The following PRKG2 variants were observed in gnomAD, a reference collection of about 807,000 sequenced individuals.
The protein encoded by PRKG2 is cGMP-dependent protein kinase 2.
A neutral mutation model predicts 97.2 loss-of-function variants in PRKG2; 33 were observed. The observed-to-expected ratio is 0.34, with a 90% CI of 0.26 to 0.45. PRKG2 has a LOEUF of 0.45. PRKG2 is among the 20% of genes least tolerant of loss of function. The pLI is 1.00. For synonymous variants in PRKG2, 330 were observed against 321.8 expected, an observed-to-expected ratio of 1.03 and a Z score of -0.27; for missense variants, 638 against 900.0, an observed-to-expected ratio of 0.71 and a Z score of 3.73.
intron 12 of PRKG2, among the ~76,000 whole-genome samples, 179 bp from the exon 13 acceptor site, chr4:81,137,661 T>TG (rs972818866): frequency 3.3e-5 from 5 of 152,234 alleles, no homozygotes; most frequent in African/African-American, 1.2e-4. Context: ...GCCTTGCTTC[T>TG]GCTCCTGTGG....
At chr4:81,146,043 G>A (rs1044755087) in intron 9 of PRKG2, among the ~76,000 whole-genome samples, 1 of 152,012 alleles carries the variant, frequency 6.6e-6, no homozygotes, top group East Asian at 1.9e-4. Flanking sequence ...GACCTTTGTC[G>A]ACTGAAGAGT....
chr4:81,106,309 AC>A (rs1479946794), intron 15 of PRKG2, among the ~76,000 whole-genome samples: 1 of 152,186 alleles, frequency 6.6e-6, no homozygotes, highest in East Asian at 1.9e-4. Context: ...AATGCACCGC[AC>A]CACTACCTAT....
intron 16 of PRKG2, 24 bp downstream of exon 16, chr4:81,105,789 G>C (rs1743262096): frequency 3.1e-6 from 5 of 1,611,974 alleles, no homozygotes; most frequent in South Asian, 1.1e-5. Flanking sequence ...TTCAAGACAA[G>C]GGGTTACTGA....
chr4:81,196,096 G>T (rs937064263), intron 2 of PRKG2, among the ~76,000 whole-genome samples: 2 of 152,198 alleles, frequency 1.3e-5, no homozygotes, highest in African/African-American at 4.8e-5. Context: ...CTGTGAGAGG[G>T]ACGCAAGGCA....
At chr4:81,103,823 G>C (rs1307241347) in intron 17 of PRKG2, among the ~76,000 whole-genome samples, 1 of 152,050 alleles carries the variant, frequency 6.6e-6, no homozygotes, top group African/African-American at 2.4e-5. Flanking sequence ...ATGAGGTCAG[G>C]AGTTTGAGAC....
chr4:81,189,066 T>TAAAAAAAAAAAAAAAAAAAAAAAAAA lies in PRKG2; in HGVS notation c.462-14133_462-14108dup. ...AAAAAAAAAAGATTAAAAAAAATAA[T>TAAAAAAAAAAAAAAAAAAAAAAAAAA]AAAAAAAAAAAAAAAAAAAAAAAAA... On this transcript the variant is annotated intron_variant, in intron 2 of 18. Transcript: ENST00000264399. 2.3e-4 allele frequency among the ~76,000 whole-genome samples: 4 copies of TAAAAAAAAAAAAAAAAAAAAAAAAAA among 17,056 alleles called. 1 individual carries two copies. Among genetic ancestry groups the TAAAAAAAAAAAAAAAAAAAAAAAAAA allele is most frequent in the Non-Finnish European group, 1.5e-4 (2 of 12,996 alleles). 11.2% of individuals were successfully genotyped at this position (17,056 alleles called of 152,430 possible).
intron 16 of PRKG2, 52 bp from the exon 17 acceptor site, chr4:81,104,484 T>A (rs769938665): frequency 2.3e-6 from 2 of 867,284 alleles, no homozygotes. Context: ...TTTATAATAA[T>A]TATAATTCAG....
chr4:81,215,641 C>G (rs985919562), upstream of PRKG2, among the ~76,000 whole-genome samples: 1 of 151,528 alleles, frequency 6.6e-6, no homozygotes, highest in Non-Finnish European at 1.5e-5. Flanking sequence ...CTGGACATGC[C>G]CTCCTCTGTC....
intron 14 of PRKG2, among the ~76,000 whole-genome samples, chr4:81,119,860 G>A (rs372398089): frequency 2.0e-5 from 3 of 151,936 alleles, no homozygotes; most frequent in African/African-American, 7.3e-5. Context: ...ATTTTTAGTA[G>A]AGACGGCGTT....
intron 17 of PRKG2, among the ~76,000 whole-genome samples, chr4:81,101,516 T>A (rs1742768604): frequency 1.5e-5 from 2 of 129,212 alleles, no homozygotes; most frequent in Admixed American, 2.0e-4. Context: ...AATTGAACAA[T>A]GAGAACACAT....
Position 81,116,985 on chromosome 4 carries a change from C to CTTTTTTTTTTTTTTT in PRKG2, c.1777-6389_1777-6375dup, listed in dbSNP as rs58361616. On this transcript the variant is annotated intron_variant, in intron 14 of 18. Coordinates refer to ENST00000264399, the MANE Select transcript of PRKG2 (RefSeq NM_006259.3). ...AGGTTATCTATTTACCCTGTTGTTACTTTTTTTTTTTTTTTTTTTTTTTTT... is the reference window on the plus strand; with the variant it reads ...AGGTTATCTATTTACCCTGTTGTTACTTTTTTTTTTTTTTTTTTTTTTTTTTTTTTTTTTTTTTTT... Among the ~76,000 whole-genome samples, 20 of 78,990 alleles carry CTTTTTTTTTTTTTTT rather than the reference C, an allele frequency of 2.5e-4. 3 individuals carry two copies. Among genetic ancestry groups the CTTTTTTTTTTTTTTT allele is most frequent in the East Asian group, 9.3e-4 (2 of 2,140 alleles). The allele number at this position is 78,990 out of a possible 152,430, so 51.8% of individuals were successfully genotyped here.
At chr4:81,098,290 G>A (rs72871754) in intron 17 of PRKG2, among the ~76,000 whole-genome samples, 1 of 150,976 alleles carries the variant, frequency 6.6e-6, no homozygotes, top group African/African-American at 2.5e-5. Flanking sequence ...TCCTCAGCCT[G>A]CAGCCTATTG....
chr4:81,184,208 C>A (rs1017056080), intron 2 of PRKG2, among the ~76,000 whole-genome samples: 1 of 152,188 alleles, frequency 6.6e-6, no homozygotes, highest in Admixed American at 6.5e-5. Flanking sequence ...TGGGAGACAC[C>A]TCCCAGCAGG....
intron 2 of PRKG2, among the ~76,000 whole-genome samples, chr4:81,182,240 T>G (rs1751478065): frequency 7.4e-6 from 1 of 134,740 alleles, no homozygotes; most frequent in South Asian, 2.2e-4. Context: ...TATTCTAGAT[T>G]AGATTGAACA....
intron 2 of PRKG2, among the ~76,000 whole-genome samples, chr4:81,190,927 G>A (rs1291132510): frequency 6.6e-6 from 1 of 152,102 alleles, no homozygotes; most frequent in Admixed American, 6.6e-5. Flanking sequence ...AAAAAGTCAG[G>A]AAACAACAGA....
In PRKG2 at chr4:81,104,375, T is replaced by C; in HGVS notation, c.2121A>G (p.Lys707=). The change falls in exon 17 of 19, where the codon AAA becomes AAG. Residue 707 remains lysine (K), a synonymous_variant. Coordinates refer to ENST00000264399, the MANE Select transcript of PRKG2 (RefSeq NM_006259.3). ...GCAAAGAAATAATTATGTACCTGTG[T>C]TTCTTAATGTCATTTATTCCATTCT... The part of the protein sequence containing the change: ...NLKNGINDIK[K]HRWLNGFNWE... 1 of 1,517,522 alleles carries C rather than the reference T, an allele frequency of 6.6e-7. No homozygotes were observed. Among genetic ancestry groups the C allele is most frequent in the Non-Finnish European group, 8.8e-7 (1 of 1,130,348 alleles). 94.0% of individuals were successfully genotyped at this position (1,517,522 alleles called of 1,614,324 possible). A position where few individuals can be genotyped will look rare whatever the true frequency, so the allele number is the denominator to read the frequency against.
At chr4:81,101,716 T>TAA (rs70956091) in intron 17 of PRKG2, among the ~76,000 whole-genome samples, 4 of 102,576 alleles carry the variant, frequency 3.9e-5, no homozygotes, top group African/African-American at 1.1e-4. Flanking sequence ...TAAAATATAA[T>TAA]AAAAAAAAAG....
chr4:81,175,254 C>CA (rs1276811960), intron 2 of PRKG2, among the ~76,000 whole-genome samples: 1 of 152,062 alleles, frequency 6.6e-6, no homozygotes, highest in African/African-American at 2.4e-5. Context: ...AGATGCACTA[C>CA]TAATGGACAC....
chr4:81,114,625 A>G (rs1054266401), intron 14 of PRKG2, among the ~76,000 whole-genome samples: 3 of 152,198 alleles, frequency 2.0e-5, no homozygotes, highest in Non-Finnish European at 1.5e-5. Context: ...TCAATTTAAA[A>G]AATAATTGAT....
Sources: allele counts gnomAD v4.1 joint callset (sites outside exome capture counted in the v4.1 genomes callset), GRCh38; gene constraint gnomAD v4.1.1; transcripts MANE v1.5; gene names NCBI Gene and HGNC (gene_info 2026-07-23, HGNC 2026-07-21).